The following CYTH4 variants were observed in gnomAD, a reference collection of about 807,000 sequenced individuals.
CYTH4 encodes the protein cytohesin 4, also known as cytohesin-4.
CYTH4 carries 22 observed loss-of-function variants against 57.5 expected under a neutral mutation model. The observed-to-expected ratio is 0.38, with a 90% confidence interval of 0.27 to 0.55. The LOEUF (loss-of-function observed/expected upper bound fraction) is 0.55, where lower values mean the gene tolerates loss of function less well. CYTH4 is among the 20% of genes least tolerant of loss of function. CYTH4 has a pLI of 0.74. For missense variants in CYTH4, 420 were observed against 535.6 expected, an observed-to-expected ratio of 0.78 and a Z score of 2.13; for synonymous variants, 186 against 206.5, an observed-to-expected ratio of 0.90 and a Z score of 0.85.
At chr22:37,296,312 C>G in intron 4 of CYTH4, 1 of 554,860 alleles carries the variant, frequency 1.8e-6, no homozygotes, top group Non-Finnish European at 3.2e-6. Flanking sequence ...TGTCCATGCA[C>G]TTGGCCTAGT....
At chr22:37,308,528 CTG>C (rs1338813126) in intron 8 of CYTH4, among the ~76,000 whole-genome samples, 7 of 137,482 alleles carry the variant, frequency 5.1e-5, no homozygotes, top group Non-Finnish European at 7.8e-5. Flanking sequence ...GTATATGTGT[CTG>C]TGAGTGTGTG....
chr22:37,304,393 CA>C (rs1264813602), intron 8 of CYTH4: 7 of 403,766 alleles, frequency 1.7e-5, no homozygotes, highest in Non-Finnish European at 3.5e-5. Flanking sequence ...CACAGGGAGC[CA>C]GGGGGTATTC....
intron 2 of CYTH4, 72 bp from the exon 3 acceptor site, chr22:37,294,588 T>G: frequency 6.4e-7 from 1 of 1,561,338 alleles, no homozygotes; most frequent in South Asian, 1.1e-5. Context: ...GGAGTGGTCC[T>G]TGTGGTCTCA....
At chr22:37,308,255 T>G (rs55749529) in intron 8 of CYTH4, among the ~76,000 whole-genome samples, 10,913 of 152,286 alleles carry the variant, frequency 0.072, 1,303 homozygotes, top group African/African-American at 0.25. Context: ...CTCCCATGGC[T>G]TTTGCCAAGG....
chr22:37,302,932 A>G (rs921160737), intron 7 of CYTH4, among the ~76,000 whole-genome samples: 4 of 146,902 alleles, frequency 2.7e-5, no homozygotes, highest in African/African-American at 9.8e-5. Flanking sequence ...CTCTGCGGGG[A>G]GGAGGTCCTG....
chr22:37,292,601 G>A lies in CYTH4; in HGVS notation c.20-20G>A, dbSNP rs1230704057. On this transcript the variant is annotated intron_variant, in intron 1 of 12. Transcript: ENST00000248901. ...GTGGCTGGAGCCAAGTGATGGGGAA[G>A]GCCGGTTGTCTCTCTGTAGAGCCCG... is the stretch of plus-strand genomic sequence containing the variant. 1.2e-6 allele frequency: 2 copies of A among 1,612,682 alleles called. No homozygotes were observed. Among genetic ancestry groups the A allele is most frequent in the Non-Finnish European group, 1.7e-6 (2 of 1,179,140 alleles).
chr22:37,296,849 T>G (rs1928987844), intron 4 of CYTH4, among the ~76,000 whole-genome samples: 1 of 152,090 alleles, frequency 6.6e-6, no homozygotes, highest in African/African-American at 2.4e-5. Flanking sequence ...CACTGGGCCC[T>G]CATGGCCTGT....
intron 8 of CYTH4, among the ~76,000 whole-genome samples, chr22:37,307,158 G>A (rs918972907): frequency 6.6e-6 from 1 of 152,216 alleles, no homozygotes; most frequent in South Asian, 2.1e-4. Flanking sequence ...CAGGGGTTGC[G>A]GCAGTGCGTG....
Position 37,311,140 on chromosome 22 carries a change from A to T in CYTH4, c.885+76A>T. ...ACCCACTTCCCAACTCCCACTGAGC[A>T]GTCGACTCACACAGCTTTGGATCCT... On this transcript the variant is annotated intron_variant, in intron 10 of 12. Transcript: ENST00000248901. The surrounding 1 kb of genome is among the most constrained non-coding windows in gnomAD (Gnocchi z 4.4). 1 of 1,488,880 alleles carries T rather than the reference A, an allele frequency of 6.7e-7. No individual in the cohort carries two copies. The highest frequency in any genetic ancestry group is 1.7e-5 in the Admixed American group (1 of 59,252). 92.2% of individuals were successfully genotyped at this position (1,488,880 alleles called of 1,614,324 possible). A position where few individuals can be genotyped will look rare whatever the true frequency, so the allele number is the denominator to read the frequency against.
At chr22:37,294,546 G>T in intron 2 of CYTH4, 114 bp from the exon 3 acceptor site, 1 of 1,154,644 alleles carries the variant, frequency 8.7e-7, no homozygotes, top group East Asian at 2.4e-5. Flanking sequence ...GTCAGGGAGA[G>T]GGGCCAGGTT....
At chr22:37,293,590 G>A (rs887315799) in intron 2 of CYTH4, among the ~76,000 whole-genome samples, 10 of 152,354 alleles carry the variant, frequency 6.6e-5, no homozygotes, top group Middle Eastern at 3.4e-3. Flanking sequence ...GAGCTGACAC[G>A]GCTCAGACAC....
At chr22:37,290,069 G>T (rs1928696689) in intron 1 of CYTH4, among the ~76,000 whole-genome samples, 1 of 152,090 alleles carries the variant, frequency 6.6e-6, no homozygotes, top group South Asian at 2.1e-4. Context: ...ATGGGCCAAG[G>T]TACCAATATG....
At chr22:37,313,165 G>A (rs1242784507) in intron 12 of CYTH4, among the ~76,000 whole-genome samples, 1 of 152,236 alleles carries the variant, frequency 6.6e-6, no homozygotes, top group Non-Finnish European at 1.5e-5. Context: ...AGCCTGGAGA[G>A]GGGCCCAGAG....
chr22:37,293,999 T>C (rs1342810483), intron 2 of CYTH4, among the ~76,000 whole-genome samples: 2 of 151,364 alleles, frequency 1.3e-5, no homozygotes, highest in Admixed American at 6.6e-5. Flanking sequence ...GGCAGGCACA[T>C]AGCGGGCACT....
At chr22:37,288,514 AG>A (rs1343463404) in intron 1 of CYTH4, among the ~76,000 whole-genome samples, 2 of 151,816 alleles carry the variant, frequency 1.3e-5, no homozygotes, top group Non-Finnish European at 2.9e-5. Context: ...TGAACCTGGG[AG>A]GCAGAGGTTG....
Position 37,301,027 on chromosome 22 carries a change from G to C in CYTH4, c.547+8G>C. On this transcript the variant is annotated splice_region_variant and intron_variant, in intron 7 of 12. Coordinates refer to ENST00000248901, the MANE Select transcript of CYTH4 (RefSeq NM_013385.5). ...GCGTCTTCCAGTCCACAGGTGCCAG[G>C]AGGGGAGTGGGACCCAGGGCTCCGG... 11 of 1,611,670 alleles carry C rather than the reference G, an allele frequency of 6.8e-6. No homozygotes were observed. Among genetic ancestry groups the C allele is most frequent in the Non-Finnish European group, 9.3e-6 (11 of 1,178,100 alleles).
At chr22:37,313,307 T>C in intron 12 of CYTH4, 132 bp from the exon 13 acceptor site, 1 of 851,526 alleles carries the variant, frequency 1.2e-6, no homozygotes, top group Non-Finnish European at 1.9e-6. Context: ...GTTGGGGCCA[T>C]CTGGCCTTTC....
rs1038225879 is a variant in CYTH4 at position 37,314,100 on chromosome 22, G to A, written c.*589G>A. ...ACTGCCCTAGGAGCCCGGACCCCAC[G>A]AGCTCAGTCCCAGCTCTGCCTCTGA... is the stretch of plus-strand genomic sequence containing the variant. On this transcript the variant is annotated 3_prime_UTR_variant, in exon 13 of 13. Transcript: ENST00000248901. 9 of 353,286 alleles carry A rather than the reference G, an allele frequency of 2.5e-5. No homozygotes were observed. The highest frequency in any genetic ancestry group is 1.2e-4 in the East Asian group (3 of 24,106). 21.9% of individuals were successfully genotyped at this position (353,286 alleles called of 1,614,324 possible). A position where few individuals can be genotyped will look rare whatever the true frequency, so the allele number is the denominator to read the frequency against.
At position 37,284,206 on chromosome 22, in the gene CYTH4, C is replaced by T. The variant is rs113939080; in HGVS notation, c.19+1618C>T. Reference sequence around the variant, plus strand: ...ATGGATTAAATGGGGTCAATGGGTTCTCCATCGAGTAGTTGGTCTTTTCAT... The same window carrying T: ...ATGGATTAAATGGGGTCAATGGGTTTTCCATCGAGTAGTTGGTCTTTTCAT... On this transcript the variant is annotated intron_variant, in intron 1 of 12. Coordinates refer to ENST00000248901, the MANE Select transcript of CYTH4 (RefSeq NM_013385.5). 9.2e-3 allele frequency among the ~76,000 whole-genome samples: 1,405 copies of T among 152,276 alleles called. 20 individuals carry two copies. The highest frequency in any genetic ancestry group is 0.032 in the African/African-American group (1,324 of 41,546).
Sources: allele counts gnomAD v4.1 joint callset (sites outside exome capture counted in the v4.1 genomes callset), GRCh38; gene constraint gnomAD v4.1.1; non-coding constraint Gnocchi (gnomAD v3.1); transcripts MANE v1.5; gene names NCBI Gene and HGNC (gene_info 2026-07-23, HGNC 2026-07-21).